Variants in FRMD4B observed in about 807,000 individuals in gnomAD.
FRMD4B encodes FERM domain containing 4B, also known as FERM domain-containing protein 4B.
A neutral mutation model predicts 141.5 loss-of-function variants in FRMD4B; 74 were observed. The ratio of observed to expected loss-of-function variants is 0.52; its 90% CI spans 0.43 to 0.63. FRMD4B has a LOEUF of 0.63. Among genes scored for constraint, FRMD4B ranks in the 30% least tolerant of loss-of-function variants. The probability of loss-of-function intolerance (pLI) is 0.00; values close to 1 mark genes in which losing one functional copy is unlikely to be tolerated. For synonymous variants in FRMD4B, 506 were observed against 467.9 expected, an observed-to-expected ratio of 1.08 and a Z score of -1.05; for missense variants, 1,366 against 1,253.4, an observed-to-expected ratio of 1.09 and a Z score of -1.36.
intron 2 of FRMD4B, among the ~76,000 whole-genome samples, chr3:69,406,349 C>G (rs982209802): frequency 4.6e-5 from 7 of 152,246 alleles, no homozygotes; most frequent in Admixed American, 3.9e-4. Flanking sequence ...AAGATGCCAA[C>G]TGTGCAAGGC....
intron 1 of FRMD4B, among the ~76,000 whole-genome samples, chr3:69,356,732 A>T (rs1321775623): frequency 6.6e-6 from 1 of 151,636 alleles, no homozygotes; most frequent in Non-Finnish European, 1.5e-5. Flanking sequence ...ATCAGAGAAG[A>T]AGTATCTTTG....
At chr3:69,212,381 G>GGAAAAAAAAAAAAAAAAAAAAAAA (rs1553702397) in intron 11 of FRMD4B, among the ~76,000 whole-genome samples, 1 of 95,598 alleles carries the variant, frequency 1.0e-5, no homozygotes, top group Non-Finnish European at 1.9e-5. Context: ...AAAAAAAAAA[G>GGAAAAAAAAAAAAAAAAAAAAAAA]AAAAAAAAAA....
At chr3:69,491,029 C>T (rs971443014) in intron 1 of FRMD4B, among the ~76,000 whole-genome samples, 2 of 152,164 alleles carry the variant, frequency 1.3e-5, no homozygotes, top group South Asian at 2.1e-4. Context: ...TTCTCTTCAC[C>T]TAAAGGTGCA....
intron 3 of FRMD4B, among the ~76,000 whole-genome samples, chr3:69,302,822 C>T (rs922113201): frequency 6.6e-6 from 1 of 152,166 alleles, no homozygotes; most frequent in African/African-American, 2.4e-5. Context: ...CCTGTAATCC[C>T]AGCACTTTGG....
chr3:69,177,389 C>A (rs1394546490), intron 21 of FRMD4B, among the ~76,000 whole-genome samples: 1 of 152,074 alleles, frequency 6.6e-6, no homozygotes, highest in African/African-American at 2.4e-5. Flanking sequence ...GTGGCACAAG[C>A]CTGTAATCCC....
At chr3:69,259,429 ACCCCTGG>A (rs1206095890) in intron 5 of FRMD4B, among the ~76,000 whole-genome samples, 9 of 152,072 alleles carry the variant, frequency 5.9e-5, no homozygotes. Context: ...GGGGTTGGGG[ACCCCTGG>A]TATAAAAGCA....
intron 5 of FRMD4B, among the ~76,000 whole-genome samples, chr3:69,256,873 T>A (rs943495439): frequency 3.3e-5 from 5 of 152,188 alleles, no homozygotes; most frequent in African/African-American, 7.2e-5. Context: ...TTAGAGGTAA[T>A]CTTTATGGGG....
chr3:69,359,819 C>G (rs1014940697), intron 1 of FRMD4B, among the ~76,000 whole-genome samples: 2 of 152,152 alleles, frequency 1.3e-5, no homozygotes, highest in African/African-American at 4.8e-5. Flanking sequence ...AAAATTGAGT[C>G]TCATCTCTGT....
intron 7 of FRMD4B, among the ~76,000 whole-genome samples, chr3:69,244,212 A>C (rs1453221420): frequency 6.6e-6 from 1 of 152,110 alleles, no homozygotes; most frequent in African/African-American, 2.4e-5. Flanking sequence ...AAAAGATGGG[A>C]AAGGAAAGGG....
chr3:69,370,649 A>G (rs998219718), intron 1 of FRMD4B, among the ~76,000 whole-genome samples: 6 of 152,254 alleles, frequency 3.9e-5, no homozygotes, highest in Non-Finnish European at 8.8e-5. Context: ...TTTTCCCCAC[A>G]TGAGGTTTCT....
intron 11 of FRMD4B, among the ~76,000 whole-genome samples, chr3:69,213,386 G>C (rs926735783): frequency 7.1e-6 from 1 of 140,726 alleles, no homozygotes; most frequent in Non-Finnish European, 1.5e-5. Context: ...AAAAAAAAAA[G>C]CTAACAATAA....
Position 69,287,820 on chromosome 3 carries a change from T to A in FRMD4B, c.433A>T (p.Ile145Leu). 1 of 1,571,614 alleles carries A rather than the reference T, an allele frequency of 6.4e-7. No homozygotes were observed. Among genetic ancestry groups the A allele is most frequent in the Non-Finnish European group, 8.7e-7 (1 of 1,147,110 alleles). Residue 145 changes from isoleucine to leucine, a missense_variant, in exon 5 of 23, where the codon ATA (isoleucine) becomes TTA (leucine). Ile to Leu is a conservative substitution (Grantham distance 5). Coordinates refer to ENST00000398540, the MANE Select transcript of FRMD4B (RefSeq NM_015123.3). ...HFAVRFYIESISFLKDKTTVE... is the reference protein window; with the variant it reads ...HFAVRFYIESLSFLKDKTTVE... ...GTGGTTTTATCCTTTAAAAACGATA[T>A]GCTCTCAATGTAAAACCTGAAAAAC...
At chr3:69,426,341 T>TGG (rs1553641961) in intron 2 of FRMD4B, among the ~76,000 whole-genome samples, 3 of 151,994 alleles carry the variant, frequency 2.0e-5, no homozygotes, top group Non-Finnish European at 4.4e-5. Context: ...TGTGTGTGTG[T>TGG]GCATGTGTGT....
intron 5 of FRMD4B, among the ~76,000 whole-genome samples, chr3:69,284,020 A>G (rs1439780008): frequency 6.6e-6 from 1 of 152,028 alleles, no homozygotes; most frequent in Non-Finnish European, 1.5e-5. Flanking sequence ...AACAGTTTTC[A>G]TAACACTGAA....
At chr3:69,480,609 C>T (rs949725301) in intron 1 of FRMD4B, among the ~76,000 whole-genome samples, 2 of 152,144 alleles carry the variant, frequency 1.3e-5, no homozygotes, top group African/African-American at 2.4e-5. Context: ...AGGTGTCAGT[C>T]TGCCCCTACT....
chr3:69,225,538 A>AC (rs2093243917), intron 7 of FRMD4B, among the ~76,000 whole-genome samples: 1 of 146,558 alleles, frequency 6.8e-6, no homozygotes, highest in Non-Finnish European at 1.5e-5. Flanking sequence ...AAAAAAAAAA[A>AC]AAAAAAATTA....
At chr3:69,488,552 A>AC (rs1490683310) in intron 1 of FRMD4B, among the ~76,000 whole-genome samples, 2 of 152,164 alleles carry the variant, frequency 1.3e-5, no homozygotes, top group East Asian at 3.9e-4. Context: ...ATAAAATGGG[A>AC]CCCCTACTTC....
intron 2 of FRMD4B, among the ~76,000 whole-genome samples, chr3:69,393,380 T>G (rs527280439): frequency 2.0e-5 from 3 of 150,492 alleles, no homozygotes; most frequent in Admixed American, 6.6e-5. Flanking sequence ...CTTGTACCCA[T>G]TTTTACTAGT....
intron 16 of FRMD4B, 135 bp from the exon 17 acceptor site, chr3:69,194,008 G>A (rs182538440): frequency 1.6e-6 from 1 of 620,156 alleles, no homozygotes; most frequent in Non-Finnish European, 2.8e-6. Context: ...AACTTTTACT[G>A]CATAGACATC....
Sources: gnomAD v4.1 joint callset for allele counts (sites outside exome capture counted in the v4.1 genomes callset) on GRCh38, gnomAD v4.1.1 for gene constraint, MANE v1.5 for transcripts, NCBI Gene and HGNC (gene_info 2026-07-23, HGNC 2026-07-21) for gene names.